The following SGCD variants were observed in gnomAD, a reference collection of about 807,000 sequenced individuals.
SGCD encodes sarcoglycan delta.
SGCD carries 18 observed loss-of-function variants against 36.6 expected under a neutral mutation model. The observed-to-expected ratio is 0.49, with a 90% confidence interval of 0.34 to 0.73. SGCD has a LOEUF of 0.73. Among genes scored for constraint, SGCD ranks in the 30% least tolerant of loss-of-function variants. SGCD has a pLI of 0.01. For missense variants in SGCD, 387 were observed against 346.7 expected (o/e 1.12, Z -0.92); for synonymous variants, 133 against 130.6 (o/e 1.02, Z -0.12).
intron 3 of SGCD, among the ~76,000 whole-genome samples, chr5:156,364,197 C>T (rs1271624577): frequency 1.3e-5 from 2 of 152,142 alleles, no homozygotes; most frequent in African/African-American, 4.8e-5. Flanking sequence ...GGGGGAACCT[C>T]TTGACTTTAA....
intron 3 of SGCD, among the ~76,000 whole-genome samples, chr5:156,186,200 G>A (rs1330725712): frequency 6.6e-6 from 1 of 151,952 alleles, no homozygotes; most frequent in Non-Finnish European, 1.5e-5. Context: ...ATAATCAAGA[G>A]AAACATTCTG....
intron 3 of SGCD, among the ~76,000 whole-genome samples, chr5:156,390,225 G>C (rs375759322): frequency 5.6e-5 from 8 of 143,440 alleles, no homozygotes; most frequent in Non-Finnish European, 1.1e-4. Flanking sequence ...AAAAAAAAAA[G>C]TTACATTTAA....
At chr5:156,188,544 A>G (rs1186969910) in intron 3 of SGCD, among the ~76,000 whole-genome samples, 2 of 152,054 alleles carry the variant, frequency 1.3e-5, no homozygotes, top group African/African-American at 4.8e-5. Flanking sequence ...TTCCTTCCTC[A>G]GCAGGAAGCA....
At chr5:156,048,836 C>T (rs1309627289) in intron 1 of SGCD, among the ~76,000 whole-genome samples, 1 of 152,018 alleles carries the variant, frequency 6.6e-6, no homozygotes, top group Admixed American at 6.6e-5. Flanking sequence ...TAATTAGATC[C>T]CATTTGTCAA....
chr5:156,311,697 G>A (rs999791060), intron 3 of SGCD, among the ~76,000 whole-genome samples: 1 of 152,080 alleles, frequency 6.6e-6, no homozygotes, highest in African/African-American at 2.4e-5. Flanking sequence ...TTGGGTTTCT[G>A]TATTTAAGTT....
chr5:155,771,894 G>A, the SGCD span, among the ~76,000 whole-genome samples: 1 of 152,166 alleles, frequency 6.6e-6, no homozygotes, highest in African/African-American at 2.4e-5. Context: ...ATGTTGATAA[G>A]CAGACTGCCT....
intron 1 of SGCD, among the ~76,000 whole-genome samples, chr5:156,075,462 A>T (rs912331870): frequency 3.3e-5 from 5 of 152,206 alleles, no homozygotes; most frequent in African/African-American, 1.2e-4. Context: ...AGGGATTTTG[A>T]TCTTTCAAGA....
intron 3 of SGCD, among the ~76,000 whole-genome samples, chr5:156,490,289 T>A (rs542564628): frequency 1.4e-4 from 22 of 152,068 alleles, no homozygotes; most frequent in Non-Finnish European, 2.9e-4. Flanking sequence ...TACAAAGAAC[T>A]AACACTAATT....
intron 3 of SGCD, among the ~76,000 whole-genome samples, chr5:156,500,846 A>G (rs1235112576): frequency 2.0e-5 from 3 of 152,196 alleles, no homozygotes; most frequent in Non-Finnish European, 4.4e-5. Context: ...CTTTCTTAAA[A>G]TCAACATAAT....
intron 2 of SGCD, among the ~76,000 whole-genome samples, chr5:156,331,791 A>G (rs1382258971): frequency 6.6e-6 from 1 of 152,224 alleles, no homozygotes; most frequent in African/African-American, 2.4e-5. Context: ...AAAATCTTGT[A>G]CTAACCCTCA....
At chr5:156,018,740 G>A (rs10045074) in intron 1 of SGCD, among the ~76,000 whole-genome samples, 1,538 of 152,252 alleles carry the variant, frequency 0.01, 29 homozygotes, top group African/African-American at 0.035. Context: ...TAAAATGTGC[G>A]TAATTTTGTC....
chr5:156,354,391 A>C (rs987604176), intron 3 of SGCD, among the ~76,000 whole-genome samples: 1 of 152,124 alleles, frequency 6.6e-6, no homozygotes, highest in Non-Finnish European at 1.5e-5. Flanking sequence ...GGATGGGGAA[A>C]GATGAGAATA....
the SGCD span, among the ~76,000 whole-genome samples, chr5:155,823,862 C>T: frequency 9.2e-5 from 14 of 152,330 alleles, no homozygotes; most frequent in Admixed American, 7.8e-4. Flanking sequence ...GATTTCAGAA[C>T]TGTTCAGCTG....
upstream of SGCD, among the ~76,000 whole-genome samples, chr5:155,866,581 A>G (rs1410938334): frequency 6.6e-6 from 1 of 152,138 alleles, no homozygotes; most frequent in African/African-American, 2.4e-5. Flanking sequence ...CATTATTCCT[A>G]TTACTATGGC....
At chr5:156,623,470 A>G (rs1762331537) in intron 6 of SGCD, among the ~76,000 whole-genome samples, 1 of 152,210 alleles carries the variant, frequency 6.6e-6, no homozygotes, top group Non-Finnish European at 1.5e-5. Context: ...AGCACTGACA[A>G]CTCAGATTGT....
chr5:156,693,901 C>T (rs967843593), intron 7 of SGCD, among the ~76,000 whole-genome samples: 2 of 152,140 alleles, frequency 1.3e-5, no homozygotes, highest in Admixed American at 1.3e-4. Context: ...TCTAATAGAG[C>T]TTCTACCCTC....
chr5:156,351,701 A>G (rs1769266638), intron 3 of SGCD, among the ~76,000 whole-genome samples: 2 of 152,042 alleles, frequency 1.3e-5, no homozygotes, highest in African/African-American at 4.8e-5. Flanking sequence ...ACAGTTTGCA[A>G]ATATTATCTA....
At chr5:155,825,947 A>G in the SGCD span, among the ~76,000 whole-genome samples, 2 of 152,030 alleles carry the variant, frequency 1.3e-5, no homozygotes, top group Non-Finnish European at 2.9e-5. Flanking sequence ...TGGGGGTTTC[A>G]CCATGTTGGC....
intron 4 of SGCD, among the ~76,000 whole-genome samples, chr5:156,513,581 G>A (rs1339423588): frequency 6.6e-6 from 1 of 152,200 alleles, no homozygotes; most frequent in Non-Finnish European, 1.5e-5. Context: ...TACTCGAAGT[G>A]AGGACAACTA....
Sources: allele counts gnomAD v4.1 joint callset (sites outside exome capture counted in the v4.1 genomes callset), GRCh38; gene constraint gnomAD v4.1.1; transcripts MANE v1.5; gene names NCBI Gene and HGNC (gene_info 2026-07-23, HGNC 2026-07-21).